CCDC68: variants seen among roughly 807,000 people sequenced by gnomAD.
CCDC68 encodes the protein coiled-coil domain-containing protein 68.
CCDC68 carries 45 observed loss-of-function variants against 47.1 expected under a neutral mutation model. That is an observed-to-expected ratio of 0.96 (90% confidence interval 0.75 to 1.23). The LOEUF (loss-of-function observed/expected upper bound fraction) is 1.23. CCDC68 is among the 50% of genes most tolerant of loss of function. The pLI, the probability that CCDC68 is intolerant of heterozygous loss-of-function variation, is 0.00. For missense variants in CCDC68, 353 were observed against 373.6 expected, an observed-to-expected ratio of 0.94 and a Z score of 0.45; for synonymous variants, 131 against 129.5, an observed-to-expected ratio of 1.01 and a Z score of -0.08.
intron 9 of CCDC68, among the ~76,000 whole-genome samples, chr18:54,918,721 G>C (rs755307231): frequency 3.9e-5 from 6 of 152,196 alleles, no homozygotes; most frequent in Admixed American, 6.5e-5. Flanking sequence ...CTGAATAGAA[G>C]TCTGATTTTA....
intron 10 of CCDC68, among the ~76,000 whole-genome samples, chr18:54,915,194 G>A (rs1193779486): frequency 6.6e-6 from 1 of 152,230 alleles, no homozygotes; most frequent in Non-Finnish European, 1.5e-5. Flanking sequence ...ACAATAGGCT[G>A]ATTCGCTGTT....
At chr18:54,943,869 G>A (rs558430759) in intron 2 of CCDC68, among the ~76,000 whole-genome samples, 2 of 152,148 alleles carry the variant, frequency 1.3e-5, no homozygotes, top group East Asian at 3.9e-4. Flanking sequence ...AGGTGAAGCC[G>A]GTGAAGTCGG....
intron 9 of CCDC68, 83 bp downstream of exon 9, chr18:54,919,187 CA>C: frequency 9.7e-7 from 1 of 1,030,686 alleles, no homozygotes; most frequent in Non-Finnish European, 1.5e-6. Flanking sequence ...CTCATTGCTT[CA>C]AAAGTCCAGT....
intron 10 of CCDC68, among the ~76,000 whole-genome samples, chr18:54,910,197 A>C (rs1914274111): frequency 6.6e-6 from 1 of 152,142 alleles, no homozygotes; most frequent in African/African-American, 2.4e-5. Context: ...AGTGATCCCA[A>C]CAAGTGTTCA....
In CCDC68 at chr18:54,919,378, T is replaced by C. The variant is rs773312359; in HGVS notation, c.684-2A>G. Reference sequence around the variant, plus strand: ...ATCTCCCTCTGAAGATCCTGGCAACTGGGAATGCAAAGGGAAAAAGACCAA... The same window carrying C: ...ATCTCCCTCTGAAGATCCTGGCAACCGGGAATGCAAAGGGAAAAAGACCAA... On this transcript the variant is annotated splice_acceptor_variant, in intron 8 of 11. Transcript: ENST00000591504. LOFTEE classifies it high-confidence loss of function. 50 of 1,607,702 alleles carry C rather than the reference T, an allele frequency of 3.1e-5. No homozygotes were observed. Among genetic ancestry groups the C allele is most frequent in the Admixed American group, 8.3e-5 (5 of 59,986 alleles).
rs570110335 is a variant in CCDC68, at chr18:54,944,559, A to G, written c.-13+829T>C. ...CTGAAGAAAAACCCGCAACAACCAC[A>G]ATGCTTACTGTCCACCTTTAGAAGC... is the stretch of plus-strand genomic sequence containing the variant. On this transcript the variant is annotated intron_variant, in intron 2 of 11. Coordinates refer to ENST00000591504, the MANE Select transcript of CCDC68 (RefSeq NM_025214.3). Among the ~76,000 whole-genome samples, 822 of 152,288 alleles carry G rather than the reference A, an allele frequency of 5.4e-3. 2 individuals carry two copies. The highest frequency in any genetic ancestry group is 0.01 in the Middle Eastern group (3 of 294).
chr18:54,903,758 T>G lies in CCDC68; in HGVS notation c.*600A>C, dbSNP rs1913816237. On this transcript the variant is annotated 3_prime_UTR_variant, in exon 12 of 12. Transcript: ENST00000591504. ...TGATTCTCAACTTCAGAGGGGCATA[T>G]GGGTTGGGGAATTAGCTAAAAGGAA... The G allele has an allele frequency of 6.6e-6, 1 of 152,176 alleles. No individual in the cohort carries two copies. The highest frequency in any genetic ancestry group is 2.4e-5 in the African/African-American group (1 of 41,424). The allele number at this position is 152,176 out of a possible 1,614,324, so 9.4% of individuals were successfully genotyped here.
chr18:54,920,538 A>G (rs1049088390), intron 8 of CCDC68, among the ~76,000 whole-genome samples: 10 of 152,162 alleles, frequency 6.6e-5, no homozygotes, highest in African/African-American at 2.2e-4. Flanking sequence ...ATAAAATACT[A>G]TATAGCATGT....
chr18:54,941,578 T>C (rs1458688342), intron 3 of CCDC68, among the ~76,000 whole-genome samples: 2 of 152,130 alleles, frequency 1.3e-5, no homozygotes, highest in Non-Finnish European at 2.9e-5. Flanking sequence ...AGCCCATGTC[T>C]TGATGACCTA....
At chr18:54,937,831 G>C (rs140103256) in intron 5 of CCDC68, 126 bp downstream of exon 5, 3 of 600,034 alleles carry the variant, frequency 5.0e-6, no homozygotes, top group Non-Finnish European at 8.1e-6. Context: ...ATGTAAGTGA[G>C]CATGCAGATG....
At chr18:54,919,197 G>T in intron 9 of CCDC68, 74 bp downstream of exon 9, 1 of 1,156,162 alleles carries the variant, frequency 8.6e-7, no homozygotes. Context: ...CAAAAGTCCA[G>T]TCAAGCCACT....
At position 54,919,377 on chromosome 18, in the gene CCDC68, C is replaced by T. The variant is rs1375175628; in HGVS notation, c.684-1G>A. 2 of 1,608,560 alleles carry T rather than the reference C, an allele frequency of 1.2e-6. No homozygotes were observed. Among genetic ancestry groups the T allele is most frequent in the African/African-American group, 2.7e-5 (2 of 74,760 alleles). ...AATCTCCCTCTGAAGATCCTGGCAACTGGGAATGCAAAGGGAAAAAGACCA... is the reference window on the plus strand; with the variant it reads ...AATCTCCCTCTGAAGATCCTGGCAATTGGGAATGCAAAGGGAAAAAGACCA... On this transcript the variant is annotated splice_acceptor_variant, in intron 8 of 11. Coordinates refer to ENST00000591504, the MANE Select transcript of CCDC68 (RefSeq NM_025214.3). LOFTEE classifies it high-confidence loss of function.
intron 6 of CCDC68, 105 bp from the exon 7 acceptor site, chr18:54,935,053 T>G (rs1380270374): frequency 3.6e-6 from 3 of 842,408 alleles, no homozygotes; most frequent in Non-Finnish European, 4.9e-6. Context: ...AAATTCAGAA[T>G]TCATACTTGT....
At chr18:54,917,854 C>T (rs1027886520) in intron 10 of CCDC68, 59 bp downstream of exon 10, 1 of 886,866 alleles carries the variant, frequency 1.1e-6, no homozygotes, top group African/African-American at 1.7e-5. Context: ...CACACACACA[C>T]ACACACACAC....
In CCDC68 at chr18:54,945,372, A is replaced by G. The variant is rs984131542; in HGVS notation, c.-13+16T>C. 3 of 152,220 alleles carry G rather than the reference A, an allele frequency of 2.0e-5. No homozygotes were observed. Among genetic ancestry groups the G allele is most frequent in the Non-Finnish European group, 4.4e-5 (3 of 68,034 alleles). 9.4% of individuals were successfully genotyped at this position (152,220 alleles called of 1,614,324 possible). ...TAAGAAGCCAAGACTCCACTCCCAT[A>G]GTAACATTAACTTACCCAAGACGAA... On this transcript the variant is annotated intron_variant, in intron 2 of 11. Transcript: ENST00000591504.
chr18:54,941,753 G>A (rs1442375757), intron 3 of CCDC68, among the ~76,000 whole-genome samples: 1 of 152,220 alleles, frequency 6.6e-6, no homozygotes, highest in East Asian at 1.9e-4. Context: ...AAGACTGTAA[G>A]AGTAGGAGCC....
intron 7 of CCDC68, among the ~76,000 whole-genome samples, chr18:54,930,375 T>C (rs1038288805): frequency 6.6e-6 from 1 of 152,168 alleles, no homozygotes; most frequent in Admixed American, 6.5e-5. Flanking sequence ...ATAGAGATAA[T>C]ATATGTAAAA....
intron 9 of CCDC68, among the ~76,000 whole-genome samples, chr18:54,918,360 G>A (rs1440489392): frequency 6.6e-6 from 1 of 152,206 alleles, no homozygotes; most frequent in East Asian, 1.9e-4. Context: ...CCACTGCCTG[G>A]TGTGCAGAGG....
rs778252496 is a variant in CCDC68 at position 54,919,392 on chromosome 18, GA to G, written c.684-17del. ...ATCCTGGCAACTGGGAATGCAAAGG[GA>G]AAAAGACCAAGAGAAAATGATTGGC... On this transcript the variant is annotated splice_polypyrimidine_tract_variant and intron_variant, in intron 8 of 11. Coordinates refer to ENST00000591504, the MANE Select transcript of CCDC68 (RefSeq NM_025214.3). 60 of 1,572,902 alleles carry G rather than the reference GA, an allele frequency of 3.8e-5. No homozygotes were observed. The highest frequency in any genetic ancestry group is 5.1e-5 in the Non-Finnish European group (58 of 1,142,848).
Sources: allele counts gnomAD v4.1 joint callset (sites outside exome capture counted in the v4.1 genomes callset), GRCh38; gene constraint gnomAD v4.1.1; transcripts MANE v1.5; gene names NCBI Gene and HGNC (gene_info 2026-07-23, HGNC 2026-07-21).